The following BABAM2 variants were observed in gnomAD, a reference collection of about 807,000 sequenced individuals.
The protein encoded by BABAM2 is BRISC and BRCA1-A complex member 2.
Under a neutral mutation model 54.7 loss-of-function variants are expected in BABAM2, and 31 were observed. The observed-to-expected ratio is 0.57, with a 90% CI of 0.43 to 0.77. The LOEUF is 0.77. Among genes scored for constraint, BABAM2 ranks in the 30% least tolerant of loss-of-function variants. The probability of loss-of-function intolerance (pLI) is 0.00; values close to 1 mark genes in which losing one functional copy is unlikely to be tolerated. For synonymous variants in BABAM2, 167 were observed against 162.9 expected, an observed-to-expected ratio of 1.03 and a Z score of -0.19; for missense variants, 364 against 455.8, an observed-to-expected ratio of 0.80 and a Z score of 1.83.
chr2:28,085,462 C>T (rs1435633401), intron 6 of BABAM2, among the ~76,000 whole-genome samples: 1 of 152,088 alleles, frequency 6.6e-6, no homozygotes, highest in Non-Finnish European at 1.5e-5. Flanking sequence ...GTCATGCTGA[C>T]CTGTGTAGAC....
intron 5 of BABAM2, among the ~76,000 whole-genome samples, chr2:28,038,762 A>C (rs1676853595): frequency 6.6e-6 from 1 of 152,190 alleles, no homozygotes; most frequent in Non-Finnish European, 1.5e-5. Flanking sequence ...TATGTACCAC[A>C]TTTTAAAAAT....
intron 4 of BABAM2, among the ~76,000 whole-genome samples, chr2:27,988,303 TTAATGAAAGTCTCTAGCA>T (rs1573335494): frequency 6.6e-6 from 1 of 152,230 alleles, no homozygotes; most frequent in East Asian, 1.9e-4. Context: ...GTATTTCGAA[TTAATGAAAGTCTCTAGCA>T]TATTGGTTGA....
intron 7 of BABAM2, among the ~76,000 whole-genome samples, chr2:28,186,513 C>A (rs1231093496): frequency 6.6e-6 from 1 of 152,110 alleles, no homozygotes; most frequent in Non-Finnish European, 1.5e-5. Flanking sequence ...CCCCTATAAT[C>A]CCAGCACTTT....
At chr2:27,931,746 ATGG>A (rs1328340860) in intron 3 of BABAM2, among the ~76,000 whole-genome samples, 1 of 152,172 alleles carries the variant, frequency 6.6e-6, no homozygotes, top group Admixed American at 6.5e-5. Context: ...CTAAGCAAGA[ATGG>A]TGAATACTTA....
chr2:28,129,445 C>T, intron 7 of BABAM2, 65 bp downstream of exon 7: 2 of 1,335,970 alleles, frequency 1.5e-6, no homozygotes, highest in Admixed American at 3.5e-5. Context: ...CTCATTCTTT[C>T]TTTTGCCACT....
chr2:28,223,930 C>T (rs1370163193), intron 7 of BABAM2, among the ~76,000 whole-genome samples: 3 of 152,136 alleles, frequency 2.0e-5, no homozygotes, highest in South Asian at 4.1e-4. Flanking sequence ...TGTCTCCTCC[C>T]ACCCCTTCCT....
chr2:28,138,892 C>T (rs1402367148), intron 7 of BABAM2, among the ~76,000 whole-genome samples: 5 of 152,132 alleles, frequency 3.3e-5, no homozygotes, highest in African/African-American at 1.2e-4. Context: ...AGATTAATCT[C>T]AATAAAACAG....
intron 6 of BABAM2, among the ~76,000 whole-genome samples, chr2:28,111,959 T>C (rs1573602003): frequency 6.6e-6 from 1 of 152,238 alleles, no homozygotes; most frequent in South Asian, 2.1e-4. Context: ...GGTAGAATGA[T>C]GTCCACTGAA....
At chr2:28,149,665 T>C (rs901461228) in intron 7 of BABAM2, among the ~76,000 whole-genome samples, 1 of 152,170 alleles carries the variant, frequency 6.6e-6, no homozygotes, top group Non-Finnish European at 1.5e-5. Context: ...CCTGTACAGT[T>C]GCCACTTCCT....
intron 6 of BABAM2, among the ~76,000 whole-genome samples, chr2:28,081,167 C>T (rs537100671): frequency 3.3e-5 from 5 of 152,192 alleles, no homozygotes; most frequent in Non-Finnish European, 7.3e-5. Flanking sequence ...CACATAGATT[C>T]GCAGACTGGC....
At chr2:28,221,134 A>T (rs2148013734) in intron 7 of BABAM2, among the ~76,000 whole-genome samples, 2 of 146,956 alleles carry the variant, frequency 1.4e-5, no homozygotes, top group East Asian at 4.0e-4. Flanking sequence ...CTCTCTCTCC[A>T]CTGAGACCCA....
intron 7 of BABAM2, among the ~76,000 whole-genome samples, chr2:28,203,322 A>G (rs1463160801): frequency 1.3e-5 from 2 of 152,178 alleles, no homozygotes; most frequent in African/African-American, 4.8e-5. Context: ...CCCACAGCCT[A>G]TTTTATTCCA....
chr2:27,924,531 T>G (rs967279500), intron 2 of BABAM2, among the ~76,000 whole-genome samples: 1 of 152,016 alleles, frequency 6.6e-6, no homozygotes, highest in Non-Finnish European at 1.5e-5. Flanking sequence ...ACTACAGGCA[T>G]GCACACCACA....
At chr2:27,974,918 C>T (rs1414635302) in intron 3 of BABAM2, among the ~76,000 whole-genome samples, 1 of 151,940 alleles carries the variant, frequency 6.6e-6, no homozygotes, top group Non-Finnish European at 1.5e-5. Flanking sequence ...ATAGGAAAAT[C>T]AATCCTATTT....
chr2:28,159,938 G>C (rs902850422), intron 7 of BABAM2, among the ~76,000 whole-genome samples: 2 of 152,020 alleles, frequency 1.3e-5, no homozygotes, highest in Non-Finnish European at 2.9e-5. Context: ...AATCTGGAAG[G>C]GTTTTACATC....
rs115451856 is a variant in BABAM2 at position 28,298,719 on chromosome 2, A to C, written c.1088+228A>C. Among the ~76,000 whole-genome samples the C allele has an allele frequency of 7.3e-3, 1,106 of 152,334 alleles. 10 individuals are homozygous for C. Among genetic ancestry groups the C allele is most frequent in the African/African-American group, 0.025 (1,048 of 41,578 alleles). On this transcript the variant is annotated intron_variant, in intron 11 of 11. Transcript: ENST00000379624. Reference sequence around the variant, plus strand: ...ACAGAGACTGGATGGCCTAGAAAACAAAAAATATTTACTGTTTGGCCCTTT... The same window carrying C: ...ACAGAGACTGGATGGCCTAGAAAACCAAAAATATTTACTGTTTGGCCCTTT...
intron 2 of BABAM2, among the ~76,000 whole-genome samples, chr2:27,909,788 T>G (rs1666445766): frequency 2.0e-5 from 3 of 152,190 alleles, no homozygotes; most frequent in Admixed American, 2.0e-4. Context: ...TGACTGAGAA[T>G]TAGAGACTTA....
At chr2:27,893,528 C>G (rs1344796282) in intron 1 of BABAM2, among the ~76,000 whole-genome samples, 1 of 152,174 alleles carries the variant, frequency 6.6e-6, no homozygotes, top group East Asian at 1.9e-4. Flanking sequence ...TGAAATATTT[C>G]TCTAACTTTT....
intron 7 of BABAM2, among the ~76,000 whole-genome samples, chr2:28,208,932 T>C (rs1201983795): frequency 6.6e-6 from 1 of 152,120 alleles, no homozygotes; most frequent in Non-Finnish European, 1.5e-5. Context: ...CCTTTCTCCT[T>C]GGAAATTGGA....
Sources: allele counts gnomAD v4.1 joint callset (sites outside exome capture counted in the v4.1 genomes callset), GRCh38; gene constraint gnomAD v4.1.1; transcripts MANE v1.5; gene names NCBI Gene and HGNC (gene_info 2026-07-23, HGNC 2026-07-21).